TENM3: variants seen among roughly 807,000 people sequenced by gnomAD.
The protein encoded by TENM3 is teneurin transmembrane protein 3.
Under a neutral mutation model 255.1 loss-of-function variants are expected in TENM3, and 63 were observed. The observed-to-expected ratio is 0.25, with a 90% confidence interval of 0.20 to 0.30. TENM3 has a LOEUF of 0.30. Among genes scored for constraint, TENM3 ranks in the 10% least tolerant of loss-of-function variants. TENM3 has a pLI of 1.00. For synonymous variants in TENM3, 1,306 were observed against 1,322.3 expected, an observed-to-expected ratio of 0.99 and a Z score of 0.27; for missense variants, 2,929 against 3,461.1, an observed-to-expected ratio of 0.85 and a Z score of 3.86.
intron 3 of TENM3, among the ~76,000 whole-genome samples, chr4:182,463,656 T>C (rs1301637949): frequency 6.7e-6 from 1 of 150,352 alleles, no homozygotes; most frequent in Non-Finnish European, 1.5e-5. Flanking sequence ...AGAGTTTTGC[T>C]CTTGCTGCCC....
At chr4:181,488,725 C>T in the TENM3 span, among the ~76,000 whole-genome samples, 6 of 151,972 alleles carry the variant, frequency 3.9e-5, no homozygotes, top group Admixed American at 6.6e-5. Flanking sequence ...TATACATAGT[C>T]TTATATAGAT....
the TENM3 span, among the ~76,000 whole-genome samples, chr4:181,868,512 G>A: frequency 3.3e-5 from 5 of 152,254 alleles, no homozygotes; most frequent in South Asian, 6.2e-4. Context: ...AACATCACCT[G>A]TTTTAATCGA....
chr4:182,227,649 T>C (rs1756258403), intron 1 of TENM3, among the ~76,000 whole-genome samples: 1 of 151,884 alleles, frequency 6.6e-6, no homozygotes, highest in South Asian at 2.1e-4. Flanking sequence ...TTTTTTTTTT[T>C]TTTTTCCTTT....
chr4:182,277,216 G>A (rs979207166), intron 1 of TENM3, among the ~76,000 whole-genome samples: 4 of 152,170 alleles, frequency 2.6e-5, no homozygotes, highest in Non-Finnish European at 4.4e-5. Context: ...GGTGGAATTA[G>A]TTTATGTTGA....
chr4:182,388,640 CTG>C (rs1768181238), intron 3 of TENM3, among the ~76,000 whole-genome samples: 1 of 152,212 alleles, frequency 6.6e-6, no homozygotes, highest in Admixed American at 6.5e-5. Flanking sequence ...CTTAGAAACA[CTG>C]TTTTCAATGT....
chr4:182,392,859 ATGAAGT>A (rs200041430), intron 3 of TENM3, among the ~76,000 whole-genome samples: 2,350 of 152,312 alleles, frequency 0.015, 29 homozygotes, highest in Non-Finnish European at 0.022. Context: ...CTATTTTTTA[ATGAAGT>A]TTAATGGTGA....
At chr4:182,339,539 G>A (rs1413206439) in intron 2 of TENM3, among the ~76,000 whole-genome samples, 1 of 152,160 alleles carries the variant, frequency 6.6e-6, no homozygotes, top group Non-Finnish European at 1.5e-5. Flanking sequence ...GAAGGTGTGA[G>A]TAGATAGATG....
the TENM3 span, among the ~76,000 whole-genome samples, chr4:182,016,432 G>A: frequency 6.6e-6 from 1 of 152,122 alleles, no homozygotes; most frequent in African/African-American, 2.4e-5. Context: ...TATTTGTTAA[G>A]GCAGGTTTTG....
the TENM3 span, among the ~76,000 whole-genome samples, chr4:182,051,020 T>G: frequency 1.3e-5 from 2 of 151,880 alleles, no homozygotes; most frequent in Admixed American, 6.6e-5. Flanking sequence ...GGCAGAAAAA[T>G]ATGTTTCAAG....
chr4:182,066,599 A>AAATATAT, the TENM3 span, among the ~76,000 whole-genome samples: 3,516 of 136,936 alleles, frequency 0.026, 71 homozygotes, highest in Non-Finnish European at 0.036. Context: ...GTAAAAAAAA[A>AAATATAT]ATATATATAT....
chr4:182,152,859 A>C (rs1261099165), intron 1 of TENM3, among the ~76,000 whole-genome samples: 40 of 151,874 alleles, frequency 2.6e-4, no homozygotes, highest in Non-Finnish European at 1.0e-4. Context: ...AAAAAGATGT[A>C]ATTTTAAATA....
At chr4:181,768,674 C>G in the TENM3 span, among the ~76,000 whole-genome samples, 3 of 152,060 alleles carry the variant, frequency 2.0e-5, no homozygotes, top group African/African-American at 7.2e-5. Flanking sequence ...TCTATCAAAC[C>G]AGAAGTTATT....
chr4:181,797,957 T>A, the TENM3 span, among the ~76,000 whole-genome samples: 1,455 of 152,230 alleles, frequency 9.6e-3, 20 homozygotes, highest in African/African-American at 0.033. Flanking sequence ...AGGAATGAAG[T>A]GGGGGGAATG....
chr4:181,603,313 T>C, the TENM3 span, among the ~76,000 whole-genome samples: 3 of 152,240 alleles, frequency 2.0e-5, no homozygotes, highest in South Asian at 6.2e-4. Context: ...AATAATTTTA[T>C]TGTTGGGGGC....
the TENM3 span, among the ~76,000 whole-genome samples, chr4:181,886,775 T>C: frequency 6.6e-6 from 1 of 152,238 alleles, no homozygotes; most frequent in Admixed American, 6.5e-5. Context: ...GTTACTGGTT[T>C]AATTTTGATA....
chr4:181,909,991 A>T, the TENM3 span, among the ~76,000 whole-genome samples: 1 of 152,206 alleles, frequency 6.6e-6, no homozygotes, highest in African/African-American at 2.4e-5. Flanking sequence ...TATACAAAAG[A>T]ATATCAAAAA....
chr4:181,456,410 G>T, the TENM3 span, among the ~76,000 whole-genome samples: 1 of 151,892 alleles, frequency 6.6e-6, no homozygotes, highest in Non-Finnish European at 1.5e-5. Context: ...GCAGTTAAGA[G>T]TTTAAAACCA....
intron 3 of TENM3, among the ~76,000 whole-genome samples, chr4:182,351,038 T>C (rs1190316281): frequency 1.3e-5 from 2 of 152,058 alleles, no homozygotes; most frequent in Non-Finnish European, 2.9e-5. Flanking sequence ...GCTTTGCAAG[T>C]GCTATAATCT....
At chr4:182,524,293 AC>A (rs1738893311) in intron 3 of TENM3, among the ~76,000 whole-genome samples, 1 of 151,570 alleles carries the variant, frequency 6.6e-6, no homozygotes, top group African/African-American at 2.4e-5. Flanking sequence ...ATTGAGAACC[AC>A]TATACCATCT....
Sources: allele counts gnomAD v4.1 joint callset (sites outside exome capture counted in the v4.1 genomes callset), GRCh38; gene constraint gnomAD v4.1.1; transcripts MANE v1.5; gene names NCBI Gene and HGNC (gene_info 2026-07-23, HGNC 2026-07-21).